The following TASP1 variants were observed in gnomAD, a reference collection of about 807,000 sequenced individuals.
TASP1 encodes threonine aspartase 1.
TASP1 carries 16 observed loss-of-function variants against 56.6 expected under a neutral mutation model. The ratio of observed to expected loss-of-function variants is 0.28; its 90% confidence interval spans 0.19 to 0.43. The LOEUF is 0.43. Ranked by LOEUF, TASP1 falls within the 20% of genes least tolerant of loss-of-function variation. The pLI, the probability that TASP1 is intolerant of heterozygous loss-of-function variation, is 1.00. For missense variants in TASP1, 393 were observed against 511.6 expected (o/e 0.77, Z 2.24); for synonymous variants, 179 against 184.2 (o/e 0.97, Z 0.23).
At chr20:13,530,181 C>T (rs983808157) in intron 9 of TASP1, among the ~76,000 whole-genome samples, 1 of 152,150 alleles carries the variant, frequency 6.6e-6, no homozygotes, top group African/African-American at 2.4e-5. Context: ...AAGTCAGTGT[C>T]CAGGATAACC....
chr20:13,219,423 G>A, the TASP1 span, among the ~76,000 whole-genome samples: 1 of 151,854 alleles, frequency 6.6e-6, no homozygotes, highest in Non-Finnish European at 1.5e-5. Context: ...TCTGAAATAC[G>A]GACGGTTATT....
the TASP1 span, among the ~76,000 whole-genome samples, chr20:13,343,336 G>A: frequency 3.3e-5 from 5 of 152,242 alleles, no homozygotes; most frequent in Non-Finnish European, 5.9e-5. Flanking sequence ...TTGGCTCTTG[G>A]AAAATGGCCC....
chr20:13,444,461 G>A lies in TASP1; in HGVS notation c.986-9307C>T, dbSNP rs141130972. The stretch of plus-strand genomic sequence containing the variant: ...AAATAAATATATTGACACACAGACA[G>A]TTTGGAGGTCAGGTGAGCGAGAAAA... On this transcript the variant is annotated intron_variant, in intron 11 of 13. Transcript: ENST00000337743. 8.6e-3 allele frequency among the ~76,000 whole-genome samples: 1,314 copies of A among 152,250 alleles called. 11 individuals are homozygous for A. Among genetic ancestry groups the A allele is most frequent in the Middle Eastern group, 0.031 (9 of 292 alleles).
At chr20:13,114,689 C>T in the TASP1 span, among the ~76,000 whole-genome samples, 1 of 152,140 alleles carries the variant, frequency 6.6e-6, no homozygotes, top group Admixed American at 6.5e-5. Context: ...AATAAGAAAA[C>T]ATTTGTTACT....
the TASP1 span, among the ~76,000 whole-genome samples, chr20:13,362,329 A>G: frequency 6.6e-6 from 1 of 152,058 alleles, no homozygotes; most frequent in South Asian, 2.1e-4. Flanking sequence ...AAGAATCACA[A>G]AAGGAGTGAA....
chr20:13,506,000 A>G (rs2044116739), intron 10 of TASP1, among the ~76,000 whole-genome samples: 1 of 152,090 alleles, frequency 6.6e-6, no homozygotes, highest in East Asian at 1.9e-4. Flanking sequence ...AAATTGACAA[A>G]CTTTTAGCTA....
intron 10 of TASP1, among the ~76,000 whole-genome samples, chr20:13,504,450 A>C (rs1021986503): frequency 6.6e-6 from 1 of 152,182 alleles, no homozygotes; most frequent in South Asian, 2.1e-4. Context: ...AACTTGTTTT[A>C]CAAGAAATGC....
At chr20:13,502,782 T>C (rs1258137116) in intron 10 of TASP1, among the ~76,000 whole-genome samples, 1 of 152,130 alleles carries the variant, frequency 6.6e-6, no homozygotes, top group Non-Finnish European at 1.5e-5. Context: ...ATTTGACCAC[T>C]ACCTACAAAG....
the TASP1 span, among the ~76,000 whole-genome samples, chr20:13,267,382 C>T: frequency 4.4e-3 from 673 of 152,302 alleles, 5 homozygotes; most frequent in Middle Eastern, 0.024. Context: ...ATACTTCAGC[C>T]CCAGTTGTCT....
At chr20:13,136,684 G>A in the TASP1 span, among the ~76,000 whole-genome samples, 1 of 145,372 alleles carries the variant, frequency 6.9e-6, no homozygotes, top group Admixed American at 6.9e-5. Context: ...TACTTATATA[G>A]TATATAAATA....
downstream of TASP1, among the ~76,000 whole-genome samples, chr20:13,388,696 C>A (rs959471919): frequency 6.6e-6 from 1 of 152,170 alleles, no homozygotes; most frequent in Non-Finnish European, 1.5e-5. Flanking sequence ...AAGCCAAAGG[C>A]TCCCCACCAG....
At chr20:13,234,425 G>A in the TASP1 span, among the ~76,000 whole-genome samples, 5 of 152,238 alleles carry the variant, frequency 3.3e-5, no homozygotes, top group East Asian at 9.6e-4. Context: ...ATGAGTGCGG[G>A]TATCTTTTTG....
At chr20:13,232,618 G>T in the TASP1 span, among the ~76,000 whole-genome samples, 1 of 152,194 alleles carries the variant, frequency 6.6e-6, no homozygotes, top group Admixed American at 6.5e-5. Flanking sequence ...GTGAACATTT[G>T]CTTTCATTTC....
chr20:13,247,419 G>T, the TASP1 span, among the ~76,000 whole-genome samples: 50 of 152,130 alleles, frequency 3.3e-4, no homozygotes, highest in Non-Finnish European at 5.3e-4. Flanking sequence ...GTTATCAGTG[G>T]CTTGCAGCCT....
chr20:13,147,010 C>G, the TASP1 span, among the ~76,000 whole-genome samples: 1 of 152,184 alleles, frequency 6.6e-6, no homozygotes, highest in African/African-American at 2.4e-5. Context: ...CATTCTCATC[C>G]TTGCTTGGGG....
intron 10 of TASP1, among the ~76,000 whole-genome samples, chr20:13,497,161 C>T (rs1016542142): frequency 1.3e-5 from 2 of 152,160 alleles, no homozygotes; most frequent in Non-Finnish European, 2.9e-5. Context: ...GATATCCACA[C>T]CCTGAGGTGC....
intron 7 of TASP1, among the ~76,000 whole-genome samples, chr20:13,564,095 T>A (rs2046436205): frequency 6.6e-6 from 1 of 151,998 alleles, no homozygotes; most frequent in African/African-American, 2.4e-5. Context: ...CCAAGGCAAT[T>A]AGGCAAGGAA....
At chr20:13,542,861 C>T (rs2045673732) in intron 8 of TASP1, among the ~76,000 whole-genome samples, 1 of 150,164 alleles carries the variant, frequency 6.7e-6, no homozygotes, top group East Asian at 2.0e-4. Flanking sequence ...AAAATTTTAA[C>T]ATCAGAAAAG....
the TASP1 span, among the ~76,000 whole-genome samples, chr20:13,312,280 G>A: frequency 3.7e-3 from 560 of 152,218 alleles, no homozygotes; most frequent in African/African-American, 0.013. Context: ...GTTCACAGCC[G>A]GCATATGTGA....
Sources: gnomAD v4.1 joint callset for allele counts (sites outside exome capture counted in the v4.1 genomes callset) on GRCh38, gnomAD v4.1.1 for gene constraint, MANE v1.5 for transcripts, NCBI Gene and HGNC (gene_info 2026-07-23, HGNC 2026-07-21) for gene names.